GLIS3: variants seen among roughly 807,000 people sequenced by gnomAD.
The protein encoded by GLIS3 is zinc finger protein GLIS3.
Under a neutral mutation model 78.6 loss-of-function variants are expected in GLIS3, and 53 were observed. The observed-to-expected ratio is 0.67, with a 90% confidence interval of 0.54 to 0.85. GLIS3 has a LOEUF of 0.85. Ranked by LOEUF, GLIS3 falls within the 40% of genes least tolerant of loss-of-function variation. GLIS3 has a pLI of 0.00. For missense variants in GLIS3, 1,703 were observed against 1,231.1 expected, an observed-to-expected ratio of 1.38 and a Z score of -5.74; for synonymous variants, 684 against 509.9, an observed-to-expected ratio of 1.34 and a Z score of -4.60.
intron 2 of GLIS3, among the ~76,000 whole-genome samples, chr9:4,266,822 A>C (rs1826056506): frequency 6.6e-6 from 1 of 152,250 alleles, no homozygotes; most frequent in South Asian, 2.1e-4. Flanking sequence ...ACAGGAGCCA[A>C]AACTATTCTT....
intron 2 of GLIS3, among the ~76,000 whole-genome samples, chr9:4,147,116 T>C (rs1210095407): frequency 6.6e-6 from 1 of 152,192 alleles, no homozygotes; most frequent in Non-Finnish European, 1.5e-5. Context: ...TTCCCCAAAT[T>C]GAACATTATG....
intron 8 of GLIS3, among the ~76,000 whole-genome samples, chr9:3,867,134 A>G (rs1820639484): frequency 6.6e-6 from 1 of 152,222 alleles, no homozygotes; most frequent in South Asian, 2.1e-4. Context: ...TATAGACTTA[A>G]CTCTTGATTT....
chr9:3,868,779 G>A (rs1820773455), intron 8 of GLIS3, among the ~76,000 whole-genome samples: 1 of 150,788 alleles, frequency 6.6e-6, no homozygotes, highest in Non-Finnish European at 1.5e-5. Flanking sequence ...TCTACACTAA[G>A]CTCCACCCTT....
chr9:4,347,555 T>G (rs903839800), intron 1 of GLIS3, among the ~76,000 whole-genome samples: 1 of 152,200 alleles, frequency 6.6e-6, no homozygotes, highest in Non-Finnish European at 1.5e-5. Context: ...GGAATCTACA[T>G]TTTCTGATGA....
Position 4,140,792 on chromosome 9 carries a change from T to C in GLIS3, c.389-14851A>G, listed in dbSNP as rs566773137. On this transcript the variant is annotated intron_variant, in intron 2 of 10. Transcript: ENST00000381971. ...TAAAAGGGCCAAGAGTAGACACTGT[T>C]TGAATTTATCTTTTTTTTTTTTTGA... is the stretch of plus-strand genomic sequence containing the variant. Among the ~76,000 whole-genome samples, 263 of 116,018 alleles carry C rather than the reference T, an allele frequency of 2.3e-3. 2 individuals carry two copies. The highest frequency in any genetic ancestry group is 8.3e-3 in the African/African-American group (249 of 29,924). 76.1% of individuals were successfully genotyped at this position (116,018 alleles called of 152,430 possible).
chr9:3,829,526 C>G (rs761529574), intron 9 of GLIS3, 34 bp from the exon 10 acceptor site: 1 of 1,611,148 alleles, frequency 6.2e-7, no homozygotes, highest in Non-Finnish European at 8.5e-7. Context: ...GCACAAGTTC[C>G]TTTGGGCACA....
At chr9:3,998,698 G>A (rs183628358) in intron 4 of GLIS3, among the ~76,000 whole-genome samples, 3 of 150,430 alleles carry the variant, frequency 2.0e-5, no homozygotes, top group East Asian at 3.9e-4. Context: ...TTTTCTTTCT[G>A]TTTCCATTCA....
intron 2 of GLIS3, among the ~76,000 whole-genome samples, chr9:4,320,024 T>TGTGC (rs1554658416): frequency 3.2e-3 from 179 of 55,360 alleles, no homozygotes; most frequent in African/African-American, 6.2e-3. Context: ...TGTGTGTGTG[T>TGTGC]GCGCGCGCAC....
intron 2 of GLIS3, among the ~76,000 whole-genome samples, chr9:4,230,684 G>C (rs1007415469): frequency 2.0e-5 from 3 of 152,110 alleles, no homozygotes; most frequent in African/African-American, 7.2e-5. Context: ...CTGCGCATGG[G>C]GAACCAGGTG....
At chr9:4,159,173 T>C (rs1372476436) in intron 2 of GLIS3, among the ~76,000 whole-genome samples, 1 of 152,146 alleles carries the variant, frequency 6.6e-6, no homozygotes, top group Non-Finnish European at 1.5e-5. Flanking sequence ...ATTACTTGAA[T>C]TTGCATCACT....
intron 4 of GLIS3, among the ~76,000 whole-genome samples, chr9:4,036,662 G>A (rs1368993600): frequency 6.6e-6 from 1 of 152,134 alleles, no homozygotes; most frequent in African/African-American, 2.4e-5. Context: ...CTAAATAGGT[G>A]CCCAGCAAAC....
chr9:4,104,657 T>G (rs1830620774), intron 4 of GLIS3, among the ~76,000 whole-genome samples: 1 of 152,188 alleles, frequency 6.6e-6, no homozygotes, highest in Non-Finnish European at 1.5e-5. Context: ...TCTTCTCTTC[T>G]TCCTCTTCAC....
chr9:4,372,097 CA>C, the GLIS3 span, among the ~76,000 whole-genome samples: 4 of 152,226 alleles, frequency 2.6e-5, no homozygotes, highest in Non-Finnish European at 5.9e-5. Context: ...GCTATTGAAC[CA>C]GTTCTGCTTA....
At chr9:4,230,550 G>C (rs1005777593) in intron 2 of GLIS3, among the ~76,000 whole-genome samples, 7 of 152,148 alleles carry the variant, frequency 4.6e-5, no homozygotes, top group African/African-American at 1.7e-4. Flanking sequence ...ACCTAGAAAA[G>C]AAGGAAAGAA....
intron 4 of GLIS3, among the ~76,000 whole-genome samples, chr9:4,049,270 C>A (rs1278631774): frequency 6.6e-6 from 1 of 152,154 alleles, no homozygotes; most frequent in Non-Finnish European, 1.5e-5. Context: ...TGGTAAATAA[C>A]CTCTGCCTTG....
At chr9:4,240,932 T>C (rs1175396806) in intron 2 of GLIS3, among the ~76,000 whole-genome samples, 1 of 136,074 alleles carries the variant, frequency 7.3e-6, no homozygotes, top group Non-Finnish European at 1.6e-5. Context: ...GAACTTTAGA[T>C]ACTCTTAAGA....
chr9:4,399,097 A>C, the GLIS3 span, among the ~76,000 whole-genome samples: 1 of 152,202 alleles, frequency 6.6e-6, no homozygotes, highest in Non-Finnish European at 1.5e-5. Context: ...AGTGTTCTAT[A>C]CCATTGCAGG....
At chr9:3,902,005 A>G (rs903728629) in intron 6 of GLIS3, among the ~76,000 whole-genome samples, 3 of 152,112 alleles carry the variant, frequency 2.0e-5, no homozygotes, top group African/African-American at 7.2e-5. Context: ...TCTATTACCA[A>G]CTACTCTAGG....
At chr9:4,075,444 C>T (rs1827965746) in intron 4 of GLIS3, among the ~76,000 whole-genome samples, 1 of 139,208 alleles carries the variant, frequency 7.2e-6, no homozygotes, top group Non-Finnish European at 1.6e-5. Flanking sequence ...GGCATAGTGG[C>T]GGGTGCCTGT....
Sources: allele counts gnomAD v4.1 joint callset (sites outside exome capture counted in the v4.1 genomes callset), GRCh38; gene constraint gnomAD v4.1.1; transcripts MANE v1.5; gene names NCBI Gene and HGNC (gene_info 2026-07-23, HGNC 2026-07-21).